PSMD1: variants seen among roughly 807,000 people sequenced by gnomAD.
PSMD1 encodes the protein proteasome 26S subunit, non-ATPase 1.
A neutral mutation model predicts 119.0 loss-of-function variants in PSMD1; 18 were observed. The observed-to-expected ratio is 0.15, with a 90% CI of 0.10 to 0.22. The LOEUF (loss-of-function observed/expected upper bound fraction) is 0.22, where lower values mean the gene tolerates loss of function less well. Among genes scored for constraint, PSMD1 ranks in the 10% least tolerant of loss-of-function variants. The pLI, the probability that PSMD1 is intolerant of heterozygous loss-of-function variation, is 1.00. For synonymous variants in PSMD1, 374 were observed against 396.6 expected (o/e 0.94, Z 0.68); for missense variants, 702 against 1,158.5 (o/e 0.61, Z 5.72).
chr2:231,166,444 G>C (rs1006455655), intron 23 of PSMD1, among the ~76,000 whole-genome samples: 24 of 151,086 alleles, frequency 1.6e-4, no homozygotes, highest in Non-Finnish European at 3.2e-4. Flanking sequence ...GATTGAACAA[G>C]CACTGAGAAC....
At chr2:231,159,772 A>C (rs553345030) in intron 19 of PSMD1, among the ~76,000 whole-genome samples, 44 of 152,260 alleles carry the variant, frequency 2.9e-4, no homozygotes, top group Non-Finnish European at 5.1e-4. Context: ...CCTTTTTGAC[A>C]CCAGGGACAG....
At chr2:231,115,009 A>G (rs1303058898) in intron 16 of PSMD1, among the ~76,000 whole-genome samples, 1 of 152,158 alleles carries the variant, frequency 6.6e-6, no homozygotes, top group Admixed American at 6.5e-5. Flanking sequence ...GATAAAATGT[A>G]ATCTACTTTT....
chr2:231,168,280 G>A (rs926080471), intron 23 of PSMD1, among the ~76,000 whole-genome samples: 7 of 152,272 alleles, frequency 4.6e-5, no homozygotes, highest in African/African-American at 1.7e-4. Context: ...GTTAAATGTA[G>A]TCTTATCATA....
intron 19 of PSMD1, among the ~76,000 whole-genome samples, 189 bp from the exon 20 acceptor site, chr2:231,161,151 G>GC (rs1159177014): frequency 2.6e-5 from 4 of 151,854 alleles, no homozygotes; most frequent in Non-Finnish European, 5.9e-5. Context: ...GGTCGAGGCT[G>GC]CAGTGAGCCA....
intron 19 of PSMD1, among the ~76,000 whole-genome samples, chr2:231,160,707 G>A (rs1407042775): frequency 6.6e-6 from 1 of 152,190 alleles, no homozygotes; most frequent in Non-Finnish European, 1.5e-5. Context: ...TAGCATCACA[G>A]TTTTGATACC....
At chr2:231,057,108 A>G in intron 1 of PSMD1, 67 bp downstream of exon 1, 1 of 1,430,068 alleles carries the variant, frequency 7.0e-7, no homozygotes, top group Non-Finnish European at 9.1e-7. Flanking sequence ...TAGCTGAGTC[A>G]GGGCCGGTGA....
At position 231,133,995 on chromosome 2, in the gene PSMD1, A is replaced by T. The variant is rs181576486; in HGVS notation, c.1884-4741A>T. 4.5e-4 allele frequency among the ~76,000 whole-genome samples: 69 copies of T among 152,324 alleles called. 1 individual carries two copies. Among genetic ancestry groups the T allele is most frequent in the Admixed American group, 2.6e-3 (40 of 15,304 alleles). On this transcript the variant is annotated intron_variant, in intron 16 of 24. Coordinates refer to ENST00000308696, the MANE Select transcript of PSMD1 (RefSeq NM_002807.4). ...TGTTAGTTACAAACCAAGAAATTTT[A>T]TTGAAACAACAAATTAGAATGTAGT...
intron 16 of PSMD1, among the ~76,000 whole-genome samples, chr2:231,124,506 A>G (rs776074065): frequency 5.9e-5 from 9 of 152,064 alleles, no homozygotes; most frequent in Non-Finnish European, 1.3e-4. Context: ...AGGGATCCTT[A>G]TATGTAATTA....
At chr2:231,115,614 G>T (rs144326048) in intron 16 of PSMD1, among the ~76,000 whole-genome samples, 3 of 152,214 alleles carry the variant, frequency 2.0e-5, no homozygotes, top group African/African-American at 7.2e-5. Flanking sequence ...AGGGATAGAG[G>T]TGGTAAATTT....
chr2:231,164,055 A>T (rs116649480), intron 21 of PSMD1, among the ~76,000 whole-genome samples: 1 of 152,096 alleles, frequency 6.6e-6, no homozygotes, highest in Non-Finnish European at 1.5e-5. Flanking sequence ...AAAACTTTCA[A>T]TGTATACAGA....
intron 16 of PSMD1, among the ~76,000 whole-genome samples, chr2:231,128,422 T>C (rs1695777096): frequency 6.6e-6 from 1 of 152,218 alleles, no homozygotes; most frequent in South Asian, 2.1e-4. Context: ...TCATTCTCTT[T>C]GACAAGATCA....
At position 231,097,348 on chromosome 2, in the gene PSMD1, C is replaced by T. The variant is rs979520644; in HGVS notation, c.1883+10167C>T. Among the ~76,000 whole-genome samples, 5 of 152,310 alleles carry T rather than the reference C, an allele frequency of 3.3e-5. No homozygotes were observed. In the East Asian group the frequency reaches 5.8e-4, roughly 18 times the overall value. ...AGCCATCCTGTAAAGGGGTCATTTACCCTTGAGTTGCTGGCTAACTCATTG... is the reference window on the plus strand; with the variant it reads ...AGCCATCCTGTAAAGGGGTCATTTATCCTTGAGTTGCTGGCTAACTCATTG... On this transcript the variant is annotated intron_variant, in intron 16 of 24. Coordinates refer to ENST00000308696, the MANE Select transcript of PSMD1 (RefSeq NM_002807.4).
chr2:231,150,004 G>A (rs755208852), intron 18 of PSMD1, among the ~76,000 whole-genome samples: 1 of 152,066 alleles, frequency 6.6e-6, no homozygotes, highest in Non-Finnish European at 1.5e-5. Context: ...TGGGAGCATA[G>A]GAAAAAAATT....
intron 20 of PSMD1, 49 bp from the exon 21 acceptor site, chr2:231,163,586 A>G: frequency 7.1e-7 from 1 of 1,403,264 alleles, no homozygotes; most frequent in Non-Finnish European, 1.0e-6. Flanking sequence ...ATGCCTGTGG[A>G]GAGCACAGAG....
At chr2:231,118,895 ATACT>A in intron 16 of PSMD1, among the ~76,000 whole-genome samples, 1 of 152,348 alleles carries the variant, frequency 6.6e-6, no homozygotes, top group Non-Finnish European at 1.5e-5. Flanking sequence ...CAAATCATAA[ATACT>A]TCTTATGTCC....
At chr2:231,120,643 A>T (rs1330085996) in intron 16 of PSMD1, among the ~76,000 whole-genome samples, 1 of 152,242 alleles carries the variant, frequency 6.6e-6, no homozygotes, top group Non-Finnish European at 1.5e-5. Flanking sequence ...ATCTCTCAGT[A>T]TAAGGACAGA....
chr2:231,161,572 C>G, intron 20 of PSMD1, 63 bp downstream of exon 20: 1 of 1,440,284 alleles, frequency 6.9e-7, no homozygotes, highest in Non-Finnish European at 9.5e-7. Context: ...TCATATTTAC[C>G]GCCCACTTGC....
At chr2:231,152,270 T>C (rs917524183) in intron 18 of PSMD1, among the ~76,000 whole-genome samples, 3 of 152,210 alleles carry the variant, frequency 2.0e-5, no homozygotes, top group African/African-American at 7.2e-5. Context: ...ATTCTGTTGC[T>C]GCCTGTGAAT....
intron 16 of PSMD1, among the ~76,000 whole-genome samples, chr2:231,088,754 C>CA (rs1298456910): frequency 3.9e-5 from 6 of 152,214 alleles, no homozygotes; most frequent in Admixed American, 3.3e-4. Flanking sequence ...AATAACCCTA[C>CA]ATGGCCTCTG....
Sources: allele counts gnomAD v4.1 joint callset (sites outside exome capture counted in the v4.1 genomes callset), GRCh38; gene constraint gnomAD v4.1.1; transcripts MANE v1.5; gene names NCBI Gene and HGNC (gene_info 2026-07-23, HGNC 2026-07-21).